The following MATN2 variants were observed in gnomAD, a reference collection of about 807,000 sequenced individuals.
MATN2 encodes matrilin 2.
Under a neutral mutation model 103.2 loss-of-function variants are expected in MATN2, and 69 were observed. That is an observed-to-expected ratio of 0.67 (90% CI 0.55 to 0.82). The LOEUF is 0.82. MATN2 is among the 40% of genes least tolerant of loss of function. The probability of loss-of-function intolerance (pLI) is 0.00; values close to 1 mark genes in which losing one functional copy is unlikely to be tolerated. For missense variants in MATN2, 1,023 were observed against 1,211.5 expected (o/e 0.84, Z 2.31); for synonymous variants, 429 against 450.2 (o/e 0.95, Z 0.60).
At chr8:97,945,268 G>A (rs75199243) in intron 4 of MATN2, among the ~76,000 whole-genome samples, 13 of 152,268 alleles carry the variant, frequency 8.5e-5, no homozygotes, top group African/African-American at 2.6e-4. Context: ...TATATCTGCT[G>A]TCTCATTTAA....
At position 97,982,182 on chromosome 8, in the gene MATN2, A is replaced by C. The variant is rs1036375661; in HGVS notation, c.1081+3174A>C. Among the ~76,000 whole-genome samples the C allele has an allele frequency of 6.6e-6, 1 of 152,218 alleles. No homozygotes were observed. The highest frequency in any genetic ancestry group is 1.5e-5 in the Non-Finnish European group (1 of 68,034). On this transcript the variant is annotated intron_variant, in intron 6 of 18. Transcript: ENST00000254898. The surrounding 1 kb of genome is among the most constrained non-coding windows in gnomAD (Gnocchi z 4.3). ...GAGGGAGACAAGAGGAAGAAAGGAG[A>C]CAGAGTACTTGGAAAGCTAAGAGTA...
chr8:97,931,121 C>T lies in MATN2; in HGVS notation c.311C>T (p.Thr104Ile). Reference sequence around the variant, plus strand: ...GTGGGCCTGCTCCAATATGGCAGCACTGTCAAGAATGAGTTCTCCCTCAAG... The same window carrying T: ...GTGGGCCTGCTCCAATATGGCAGCATTGTCAAGAATGAGTTCTCCCTCAAG... ...TRVGLLQYGSTVKNEFSLKTF... is the reference protein window; with the variant it reads ...TRVGLLQYGSIVKNEFSLKTF... Residue 104 changes from threonine to isoleucine, a missense_variant, in exon 3 of 19, where the codon ACT (threonine) becomes ATT (isoleucine). Physicochemically the swap from Thr to Ile is moderately conservative, Grantham distance 89 (BLOSUM62 -1). Coordinates refer to ENST00000254898, the MANE Select transcript of MATN2 (RefSeq NM_002380.5). The surrounding 1 kb of genome is among the most constrained non-coding windows in gnomAD (Gnocchi z 4.1). 2 of 1,614,014 alleles carry T rather than the reference C, an allele frequency of 1.2e-6. No homozygotes were observed. Among genetic ancestry groups the T allele is most frequent in the Non-Finnish European group, 1.7e-6 (2 of 1,179,896 alleles).
At chr8:97,879,131 C>T (rs1818170849) in intron 1 of MATN2, among the ~76,000 whole-genome samples, 1 of 152,080 alleles carries the variant, frequency 6.6e-6, no homozygotes, top group South Asian at 2.1e-4. Flanking sequence ...GACAACAAAC[C>T]CATTGTCAGG....
At chr8:97,923,803 C>T (rs10087303) in intron 2 of MATN2, among the ~76,000 whole-genome samples, 4,089 of 152,228 alleles carry the variant, frequency 0.027, 174 homozygotes, top group African/African-American at 0.093. Context: ...GTGATCCAAC[C>T]GCCTTGGCCT....
chr8:97,893,990 A>T (rs1421838047), intron 2 of MATN2, among the ~76,000 whole-genome samples: 1 of 152,246 alleles, frequency 6.6e-6, no homozygotes, highest in African/African-American at 2.4e-5. Context: ...ATTTCTGCTA[A>T]CTAAACTTGA....
rs73698697 is a variant in MATN2 at position 97,932,753 on chromosome 8, C to T, written c.712+1231C>T. On this transcript the variant is annotated intron_variant, in intron 3 of 18. Coordinates refer to ENST00000254898, the MANE Select transcript of MATN2 (RefSeq NM_002380.5). ...CATCCTGATTTGGTAAACAATGTCCCACCCTGACTTGTCCATTCCCAGTGG... is the reference window on the plus strand; with the variant it reads ...CATCCTGATTTGGTAAACAATGTCCTACCCTGACTTGTCCATTCCCAGTGG... Among the ~76,000 whole-genome samples, 1,192 of 152,346 alleles carry T rather than the reference C, an allele frequency of 7.8e-3. 18 individuals are homozygous for T. The highest frequency in any genetic ancestry group is 0.028 in the African/African-American group (1,146 of 41,574).
intron 1 of MATN2, among the ~76,000 whole-genome samples, chr8:97,880,604 T>C (rs1818222800): frequency 2.0e-5 from 3 of 152,218 alleles, no homozygotes; most frequent in African/African-American, 7.2e-5. Context: ...TGCTTCCCCC[T>C]GCACAGATCT....
Position 98,027,576 on chromosome 8 carries a change from A to G in MATN2, c.2103A>G (p.Thr701=). ...GAGTGGGGCTGCTCCAGTATTCCAC[A>G]CAGGTCCACACAGAGTTCACTCTGA... ...AARVGLLQYS[T]QVHTEFTLRN... The change falls in exon 14 of 19, where the codon ACA becomes ACG. Residue 701 remains threonine, a synonymous_variant. Coordinates refer to ENST00000254898, the MANE Select transcript of MATN2 (RefSeq NM_002380.5). 1 of 1,613,910 alleles carries G rather than the reference A, an allele frequency of 6.2e-7. No individual in the cohort carries two copies. Among genetic ancestry groups the G allele is most frequent in the Non-Finnish European group, 8.5e-7 (1 of 1,179,834 alleles).
rs1234169699 is a variant in MATN2, at chr8:98,005,287, C to A, written c.1327+1504C>A. 6.6e-6 allele frequency among the ~76,000 whole-genome samples: 1 copy of A among 152,252 alleles called. No individual in the cohort carries two copies. The highest frequency in any genetic ancestry group is 2.4e-5 in the African/African-American group (1 of 41,462). ...CAGTGCCTGCTGTACGTTGCCTCTGCATGTCTCTGAGTCCTTTTGAGAGGC... is the reference window on the plus strand; with the variant it reads ...CAGTGCCTGCTGTACGTTGCCTCTGAATGTCTCTGAGTCCTTTTGAGAGGC... On this transcript the variant is annotated intron_variant, in intron 8 of 18. Transcript: ENST00000254898. This position sits in a 1 kb window ranked among gnomAD's most constrained non-coding sequence, Gnocchi z 4.6.
In MATN2 at chr8:98,022,776, C is replaced by T. The variant is rs1210583413; in HGVS notation, c.1942+1449C>T. On this transcript the variant is annotated intron_variant, in intron 13 of 18. Transcript: ENST00000254898. ...GATTTGAACCCTGATTCATACTACC[C>T]GTGTGACCTTGGTCAAATTATTTAA... Among the ~76,000 whole-genome samples, 4 of 152,166 alleles carry T rather than the reference C, an allele frequency of 2.6e-5. No homozygotes were observed. The East Asian group carries it at 5.8e-4, about 22-fold the overall frequency.
intron 1 of MATN2, among the ~76,000 whole-genome samples, chr8:97,875,543 C>A (rs973540889): frequency 2.6e-5 from 4 of 152,110 alleles, no homozygotes; most frequent in Non-Finnish European, 5.9e-5. Context: ...GCACCCATAG[C>A]CCCCTTTGGA....
intron 5 of MATN2, among the ~76,000 whole-genome samples, chr8:97,978,424 T>C (rs1369969021): frequency 6.6e-6 from 1 of 152,244 alleles, no homozygotes; most frequent in Non-Finnish European, 1.5e-5. Flanking sequence ...GTTTATTGTA[T>C]ATAATTTCAC....
At chr8:97,957,624 T>G (rs930645125) in intron 4 of MATN2, among the ~76,000 whole-genome samples, 1 of 152,214 alleles carries the variant, frequency 6.6e-6, no homozygotes, top group Admixed American at 6.5e-5. Flanking sequence ...TGTTTGGGGT[T>G]CTTTTAGCCT....
intron 4 of MATN2, among the ~76,000 whole-genome samples, chr8:97,948,314 T>C (rs1410927124): frequency 1.3e-5 from 2 of 152,312 alleles, no homozygotes; most frequent in Middle Eastern, 3.4e-3. Flanking sequence ...GGTATTGACT[T>C]GGGGTTACAA....
chr8:97,937,821 T>C (rs112902303), intron 3 of MATN2, among the ~76,000 whole-genome samples: 24,631 of 151,864 alleles, frequency 0.16, 2,529 homozygotes, highest in African/African-American at 0.29. Flanking sequence ...TCAAGTGATC[T>C]GCTCACCTCA....
chr8:98,007,255 G>A lies in MATN2; in HGVS notation c.1450+28G>A, dbSNP rs1367615579. On this transcript the variant is annotated intron_variant, in intron 9 of 18. Coordinates refer to ENST00000254898, the MANE Select transcript of MATN2 (RefSeq NM_002380.5). This position sits in a 1 kb window ranked among gnomAD's most constrained non-coding sequence, Gnocchi z 4.2. ...GAGTCCCTCCGCGCTCCTCTCATAGGGGAAGGTTTGCACCAGGAGTGAAAC... is the reference window on the plus strand; with the variant it reads ...GAGTCCCTCCGCGCTCCTCTCATAGAGGAAGGTTTGCACCAGGAGTGAAAC... 1 of 1,612,800 alleles carries A rather than the reference G, an allele frequency of 6.2e-7. No homozygotes were observed. The highest frequency in any genetic ancestry group is 1.3e-5 in the African/African-American group (1 of 74,900).
At chr8:97,896,313 G>C (rs1345935114) in intron 2 of MATN2, among the ~76,000 whole-genome samples, 2 of 152,228 alleles carry the variant, frequency 1.3e-5, no homozygotes, top group Non-Finnish European at 2.9e-5. Flanking sequence ...TCTCATCTCA[G>C]ATGTGGTGAT....
At chr8:97,966,937 C>T (rs893312558) in intron 5 of MATN2, among the ~76,000 whole-genome samples, 2 of 152,112 alleles carry the variant, frequency 1.3e-5, no homozygotes, top group Non-Finnish European at 2.9e-5. Context: ...ATTCTGCAGG[C>T]TGTATAGGAA....
chr8:97,941,161 C>CAAAAAAAAAAAAAAAAA (rs1186024165), intron 3 of MATN2, among the ~76,000 whole-genome samples: 12 of 77,986 alleles, frequency 1.5e-4, no homozygotes, highest in Admixed American at 1.8e-4. Context: ...GACCTTGTCT[C>CAAAAAAAAAAAAAAAAA]AAAAAAAAAA....
Sources: allele counts gnomAD v4.1 joint callset (sites outside exome capture counted in the v4.1 genomes callset), GRCh38; gene constraint gnomAD v4.1.1; non-coding constraint Gnocchi (gnomAD v3.1); transcripts MANE v1.5; gene names NCBI Gene and HGNC (gene_info 2026-07-23, HGNC 2026-07-21).